Variants in TACR3 observed in about 807,000 individuals in gnomAD.
The protein encoded by TACR3 is neuromedin-K receptor.
TACR3 carries 34 observed loss-of-function variants against 35.0 expected under a neutral mutation model. That is an observed-to-expected ratio of 0.97 (90% CI 0.74 to 1.30). The LOEUF (loss-of-function observed/expected upper bound fraction) is 1.30. Among genes scored for constraint, TACR3 ranks in the 50% most tolerant of loss-of-function variants. TACR3 has a pLI of 0.00. For synonymous variants in TACR3, 233 were observed against 221.1 expected (o/e 1.05, Z -0.48); for missense variants, 558 against 591.7 (o/e 0.94, Z 0.59).
chr4:103,667,607 A>G (rs762785061), intron 1 of TACR3, among the ~76,000 whole-genome samples: 9 of 152,160 alleles, frequency 5.9e-5, no homozygotes, highest in Non-Finnish European at 1.3e-4. Context: ...CCCCATAAAT[A>G]TGTACACCTA....
intron 1 of TACR3, among the ~76,000 whole-genome samples, chr4:103,692,010 A>G (rs986390184): frequency 5.3e-5 from 8 of 151,966 alleles, no homozygotes; most frequent in Non-Finnish European, 8.8e-5. Flanking sequence ...TCACACCTCT[A>G]TATTTCTGTG....
chr4:103,709,954 G>C (rs1028361688), intron 1 of TACR3, among the ~76,000 whole-genome samples: 1 of 151,962 alleles, frequency 6.6e-6, no homozygotes, highest in African/African-American at 2.4e-5. Context: ...AACAAGAAGA[G>C]CTAACTATCC....
intron 1 of TACR3, among the ~76,000 whole-genome samples, chr4:103,692,231 G>T (rs1444676074): frequency 6.6e-6 from 1 of 151,900 alleles, no homozygotes; most frequent in African/African-American, 2.4e-5. Context: ...ACGTAAAAAG[G>T]TTTACCATGT....
Position 103,598,940 on chromosome 4 carries a change from C to G in TACR3, c.889-7257G>C, listed in dbSNP as rs551224561. Among the ~76,000 whole-genome samples the G allele has an allele frequency of 8.5e-5, 13 of 152,204 alleles. No homozygotes were observed. In the East Asian group the frequency reaches 2.5e-3, roughly 29 times the overall value. On this transcript the variant is annotated intron_variant, in intron 3 of 4. Transcript: ENST00000304883. ...TAGGACTGACTTGGTGATGCAGGCT[C>G]TTTTTTGGTTCCATATGAACTTTAA...
intron 1 of TACR3, among the ~76,000 whole-genome samples, chr4:103,711,910 T>A (rs1434498557): frequency 6.6e-6 from 1 of 152,108 alleles, no homozygotes; most frequent in Non-Finnish European, 1.5e-5. Context: ...TCAAAGAGAA[T>A]AAAATACCTA....
chr4:103,592,079 T>C (rs1035515955), intron 3 of TACR3, among the ~76,000 whole-genome samples: 7 of 152,278 alleles, frequency 4.6e-5, no homozygotes, highest in Admixed American at 2.0e-4. Context: ...GTTAAGTCAC[T>C]ATGGAGGTTT....
intron 3 of TACR3, among the ~76,000 whole-genome samples, chr4:103,601,452 C>T (rs549263572): frequency 9.9e-5 from 15 of 152,158 alleles, no homozygotes; most frequent in African/African-American, 3.1e-4. Flanking sequence ...TTATTTTGCT[C>T]GATATTTGAT....
In TACR3 at chr4:103,719,614, G is replaced by A; in HGVS notation, c.62C>T (p.Ala21Val). 6 of 1,613,740 alleles carry A rather than the reference G, an allele frequency of 3.7e-6. No homozygotes were observed. The highest frequency in any genetic ancestry group is 5.1e-6 in the Non-Finnish European group (6 of 1,179,898). Residue 21 changes from alanine to valine, a missense_variant, in exon 1 of 5, where the codon GCC becomes GTC. By Grantham distance (64) the Ala-to-Val change is moderately conservative (BLOSUM62 0). Transcript: ENST00000304883. Reference sequence around the variant, plus strand: ...AGCTAGCGAGGCGGTCAGGTTCACGGCGTCTGCACCCACGCCTCCACCCCC... The same window carrying A: ...AGCTAGCGAGGCGGTCAGGTTCACGACGTCTGCACCCACGCCTCCACCCCC... ...IDGGGGVGAD[A>V]VNLTASLAAG...
intron 1 of TACR3, among the ~76,000 whole-genome samples, chr4:103,658,681 T>C (rs1725779436): frequency 6.6e-6 from 1 of 152,112 alleles, no homozygotes; most frequent in Non-Finnish European, 1.5e-5. Flanking sequence ...AACACCCATC[T>C]CTTGGGGTAA....
intron 1 of TACR3, among the ~76,000 whole-genome samples, chr4:103,703,014 C>T (rs189597551): frequency 3.6e-4 from 55 of 151,626 alleles, no homozygotes; most frequent in East Asian, 3.1e-3. Flanking sequence ...AACAAACCTG[C>T]GCGTTGTGCA....
chr4:103,668,745 A>G (rs1445423086), intron 1 of TACR3, among the ~76,000 whole-genome samples: 2 of 151,700 alleles, frequency 1.3e-5, no homozygotes, highest in Non-Finnish European at 2.9e-5. Flanking sequence ...GCTACTCAGG[A>G]GGCTGAGGCA....
chr4:103,675,056 A>G lies in TACR3; in HGVS notation c.549-16653T>C, dbSNP rs533261672. On this transcript the variant is annotated intron_variant, in intron 1 of 4. Coordinates refer to ENST00000304883, the MANE Select transcript of TACR3 (RefSeq NM_001059.3). The stretch of plus-strand genomic sequence containing the variant: ...ATGAAAAATGAACACTTTTTTGAGT[A>G]TCCTCATTCTAAATATTATTCATAT... Among the ~76,000 whole-genome samples, 73 of 152,292 alleles carry G rather than the reference A, an allele frequency of 4.8e-4. 1 individual carries two copies. The highest frequency in any genetic ancestry group is 4.4e-3 in the Admixed American group (67 of 15,278).
chr4:103,665,747 T>A (rs1244869961), intron 1 of TACR3, among the ~76,000 whole-genome samples: 1 of 152,190 alleles, frequency 6.6e-6, no homozygotes, highest in Non-Finnish European at 1.5e-5. Context: ...TTTAGTGTGA[T>A]GGCCTGTGTG....
At chr4:103,696,654 A>G (rs930471248) in intron 1 of TACR3, among the ~76,000 whole-genome samples, 3 of 152,026 alleles carry the variant, frequency 2.0e-5, no homozygotes, top group Non-Finnish European at 4.4e-5. Flanking sequence ...TGCTGATGCC[A>G]CTTTCCTCTA....
intron 1 of TACR3, among the ~76,000 whole-genome samples, chr4:103,701,680 T>C (rs1049527416): frequency 1.3e-5 from 2 of 152,096 alleles, no homozygotes; most frequent in Admixed American, 6.5e-5. Context: ...CAAAACAGCA[T>C]GGTACTGGTA....
At chr4:103,616,297 C>CGTGTGTGT (rs1395589806) in intron 3 of TACR3, among the ~76,000 whole-genome samples, 165 of 103,196 alleles carry the variant, frequency 1.6e-3, no homozygotes, top group African/African-American at 7.3e-3. Context: ...AGAGTACATA[C>CGTGTGTGT]GTGTATGTGT....
At chr4:103,664,852 C>T (rs1725905183) in intron 1 of TACR3, among the ~76,000 whole-genome samples, 1 of 152,090 alleles carries the variant, frequency 6.6e-6, no homozygotes, top group Non-Finnish European at 1.5e-5. Context: ...TGCTCTGTTG[C>T]CAAGGCTGGA....
chr4:103,594,733 A>C (rs1723969231), intron 3 of TACR3, among the ~76,000 whole-genome samples: 1 of 152,202 alleles, frequency 6.6e-6, no homozygotes, highest in Non-Finnish European at 1.5e-5. Flanking sequence ...ATTAAAATGC[A>C]TGTGGAAAAT....
chr4:103,624,098 T>TGAAG (rs1724840988), intron 3 of TACR3, among the ~76,000 whole-genome samples: 1 of 152,194 alleles, frequency 6.6e-6, no homozygotes, highest in African/African-American at 2.4e-5. Context: ...GGGTAACATT[T>TGAAG]GAAGGACCCG....
Sources: allele counts gnomAD v4.1 joint callset (sites outside exome capture counted in the v4.1 genomes callset), GRCh38; gene constraint gnomAD v4.1.1; transcripts MANE v1.5; gene names NCBI Gene and HGNC (gene_info 2026-07-23, HGNC 2026-07-21).